NRG1: variants seen among roughly 807,000 people sequenced by gnomAD.
NRG1 encodes the protein pro-neuregulin-1, membrane-bound isoform.
A neutral mutation model predicts 63.8 loss-of-function variants in NRG1; 18 were observed. The ratio of observed to expected loss-of-function variants is 0.28; its 90% CI spans 0.19 to 0.42. The LOEUF is 0.42. NRG1 is among the 10% of genes least tolerant of loss of function. The probability of loss-of-function intolerance (pLI) is 1.00; values close to 1 mark genes in which losing one functional copy is unlikely to be tolerated. For synonymous variants in NRG1, 302 were observed against 301.3 expected, an observed-to-expected ratio of 1.00 and a Z score of -0.02; for missense variants, 762 against 814.7, an observed-to-expected ratio of 0.94 and a Z score of 0.79.
chr8:32,553,851 C>T (rs1418149510), intron 1 of NRG1, among the ~76,000 whole-genome samples: 1 of 152,134 alleles, frequency 6.6e-6, no homozygotes, highest in Admixed American at 6.5e-5. Context: ...ATTAAATTCA[C>T]ATTTCTAGTT....
chr8:32,763,166 A>G (rs1448351878), intron 11 of NRG1: 10 of 1,570,874 alleles, frequency 6.4e-6, no homozygotes, highest in Admixed American at 5.1e-5. Context: ...CAAATGTATG[A>G]CACTGTTGTC....
At chr8:32,707,751 CT>C (rs1816789197) in intron 5 of NRG1, among the ~76,000 whole-genome samples, 1 of 151,244 alleles carries the variant, frequency 6.6e-6, no homozygotes, top group Non-Finnish European at 1.5e-5. Flanking sequence ...AAGGAATGTA[CT>C]TAAAAAAATT....
At chr8:32,013,669 C>T (rs185087195) in intron 1 of NRG1, among the ~76,000 whole-genome samples, 2 of 152,226 alleles carry the variant, frequency 1.3e-5, no homozygotes, top group Admixed American at 6.5e-5. Context: ...TGATCTCAGA[C>T]TCCCATAGAT....
chr8:32,150,161 C>G (rs1195748533), intron 1 of NRG1, among the ~76,000 whole-genome samples: 5 of 150,932 alleles, frequency 3.3e-5, no homozygotes, highest in African/African-American at 1.2e-4. Context: ...TTACAAACTG[C>G]ATTTGTATTC....
At chr8:32,064,377 G>A (rs1296597663) in intron 1 of NRG1, among the ~76,000 whole-genome samples, 1 of 152,056 alleles carries the variant, frequency 6.6e-6, no homozygotes, top group Non-Finnish European at 1.5e-5. Context: ...GTTTCATTTG[G>A]CTGTCAAAAC....
intron 1 of NRG1, among the ~76,000 whole-genome samples, chr8:32,558,696 T>C (rs1002659979): frequency 1.3e-5 from 2 of 152,162 alleles, no homozygotes; most frequent in Non-Finnish European, 1.5e-5. Flanking sequence ...TTGACCTTAA[T>C]GCAGATGGCC....
chr8:32,491,078 G>A (rs913972118), intron 1 of NRG1, among the ~76,000 whole-genome samples: 4 of 152,056 alleles, frequency 2.6e-5, no homozygotes, highest in South Asian at 2.1e-4. Context: ...TAATTATTAC[G>A]GTTCCTAAAT....
intron 5 of NRG1, among the ~76,000 whole-genome samples, chr8:32,695,353 G>A (rs926373531): frequency 4.0e-5 from 6 of 151,000 alleles, no homozygotes; most frequent in Non-Finnish European, 7.4e-5. Context: ...AAAAAAGAAG[G>A]AAAGAAAGAG....
chr8:32,203,107 C>T (rs1456484052), intron 1 of NRG1, among the ~76,000 whole-genome samples: 1 of 151,100 alleles, frequency 6.6e-6, no homozygotes, highest in African/African-American at 2.4e-5. Context: ...CTGTCACTGA[C>T]TCTGCCACTG....
chr8:32,367,384 C>T (rs7843347), intron 1 of NRG1, among the ~76,000 whole-genome samples: 20,557 of 151,436 alleles, frequency 0.14, 1,651 homozygotes, highest in Middle Eastern at 0.22. Flanking sequence ...TTTGCATTTC[C>T]CTGATGATTC....
intron 1 of NRG1, among the ~76,000 whole-genome samples, chr8:31,658,153 T>C (rs1805614681): frequency 1.3e-5 from 2 of 152,200 alleles, no homozygotes; most frequent in South Asian, 4.1e-4. Flanking sequence ...ATCTCTACCC[T>C]ACGCTGACAA....
intron 1 of NRG1, among the ~76,000 whole-genome samples, chr8:31,728,085 T>C (rs1163794457): frequency 1.3e-5 from 2 of 152,198 alleles, no homozygotes; most frequent in South Asian, 2.1e-4. Flanking sequence ...AATTGTTTAC[T>C]TCTGAAATTT....
intron 1 of NRG1, among the ~76,000 whole-genome samples, chr8:31,879,576 A>T (rs1830189239): frequency 6.6e-6 from 1 of 152,098 alleles, no homozygotes; most frequent in African/African-American, 2.4e-5. Flanking sequence ...AAAAAATGTG[A>T]TTTTTGTGGG....
intron 1 of NRG1, among the ~76,000 whole-genome samples, chr8:31,788,389 G>A (rs906638910): frequency 1.3e-5 from 2 of 151,328 alleles, no homozygotes; most frequent in African/African-American, 4.9e-5. Context: ...ATTTTAAATG[G>A]CTACATTAAG....
intron 1 of NRG1, among the ~76,000 whole-genome samples, chr8:32,529,212 A>T (rs114978926): frequency 1.3e-5 from 2 of 152,226 alleles, no homozygotes; most frequent in African/African-American, 4.8e-5. Flanking sequence ...GCATCTAAAC[A>T]TATCTAAACA....
At chr8:32,180,666 G>A (rs1040878975) in intron 1 of NRG1, among the ~76,000 whole-genome samples, 11 of 151,832 alleles carry the variant, frequency 7.2e-5, no homozygotes, top group Non-Finnish European at 1.5e-4. Flanking sequence ...TATATTTATG[G>A]TGTACAGCAC....
intron 1 of NRG1, among the ~76,000 whole-genome samples, chr8:31,692,210 T>C (rs1432056024): frequency 6.6e-6 from 1 of 152,232 alleles, no homozygotes; most frequent in Admixed American, 6.5e-5. Flanking sequence ...CATGAACATA[T>C]CTAAATTCTT....
rs1826724490 is a variant in NRG1 at position 31,846,719 on chromosome 8, C to T, written c.37+207288C>T. Among the ~76,000 whole-genome samples, 5 of 152,100 alleles carry T rather than the reference C, an allele frequency of 3.3e-5. No individual in the cohort carries two copies. The South Asian group carries it at 1.0e-3, about 32-fold the overall frequency. ...ATTCACCCTCATCTTTCATTGTATT[C>T]CCTGTTATTTACCTCTCCTTAAAAG... On this transcript the variant is annotated intron_variant, in intron 1 of 10. Coordinates refer to the NRG1 transcript ENST00000519301.
Position 32,759,864 on chromosome 8 carries a change from TC to T in NRG1, c.1053-334del, listed in dbSNP as rs528889222. Among the ~76,000 whole-genome samples the T allele has an allele frequency of 8.5e-5, 13 of 152,288 alleles. No individual in the cohort carries two copies. The South Asian group carries it at 2.5e-3, about 29-fold the overall frequency. Reference sequence around the variant, plus strand: ...ACTCTACCAAGACCAACACTAGATCTCCAAATGTAGCTCATACAAGGAAATG... The same window carrying T: ...ACTCTACCAAGACCAACACTAGATCTCAAATGTAGCTCATACAAGGAAATG... On this transcript the variant is annotated intron_variant, in intron 10 of 11. Transcript: ENST00000356819.
Sources: allele counts gnomAD v4.1 joint callset (sites outside exome capture counted in the v4.1 genomes callset), GRCh38; gene constraint gnomAD v4.1.1; transcripts MANE v1.5; gene names NCBI Gene and HGNC (gene_info 2026-07-23, HGNC 2026-07-21).